CYP7B1: variants seen among roughly 807,000 people sequenced by gnomAD.
CYP7B1 encodes the protein cytochrome P450 family 7 subfamily B member 1.
Under a neutral mutation model 42.7 loss-of-function variants are expected in CYP7B1, and 29 were observed. The observed-to-expected ratio is 0.68, with a 90% CI of 0.51 to 0.93. The LOEUF (loss-of-function observed/expected upper bound fraction) is 0.93, where lower values mean the gene tolerates loss of function less well. Among genes scored for constraint, CYP7B1 ranks in the 40% least tolerant of loss-of-function variants. The pLI is 0.00. For missense variants in CYP7B1, 655 were observed against 600.5 expected (o/e 1.09, Z -0.95); for synonymous variants, 235 against 218.2 (o/e 1.08, Z -0.68).
At chr8:64,785,218 A>G (rs982348323) in intron 1 of CYP7B1, among the ~76,000 whole-genome samples, 4 of 152,234 alleles carry the variant, frequency 2.6e-5, no homozygotes, top group Non-Finnish European at 5.9e-5. Flanking sequence ...AATGTTTTCA[A>G]GCATGTGAGA....
intron 1 of CYP7B1, among the ~76,000 whole-genome samples, chr8:64,745,799 G>A (rs1167365010): frequency 6.6e-6 from 1 of 152,120 alleles, no homozygotes; most frequent in Non-Finnish European, 1.5e-5. Flanking sequence ...ACAAACAATA[G>A]TTTGATTTTG....
chr8:64,750,848 G>A (rs1585893802), intron 1 of CYP7B1, among the ~76,000 whole-genome samples: 1 of 152,128 alleles, frequency 6.6e-6, no homozygotes, highest in East Asian at 1.9e-4. Context: ...CCTATACTAA[G>A]ACTACTTTCC....
At chr8:64,651,230 A>G (rs915878957) in intron 1 of CYP7B1, among the ~76,000 whole-genome samples, 8 of 152,224 alleles carry the variant, frequency 5.3e-5, no homozygotes, top group Admixed American at 2.6e-4. Flanking sequence ...TATGCAGGGT[A>G]GCCAGAATAT....
chr8:64,653,617 G>C (rs1051871976), intron 1 of CYP7B1, among the ~76,000 whole-genome samples: 11 of 152,108 alleles, frequency 7.2e-5, no homozygotes, highest in African/African-American at 2.7e-4. Context: ...TTCAAAAATC[G>C]AGGAGAAGGG....
chr8:64,708,018 A>G (rs1477493554), intron 1 of CYP7B1, among the ~76,000 whole-genome samples: 2 of 152,144 alleles, frequency 1.3e-5, no homozygotes, highest in Non-Finnish European at 2.9e-5. Context: ...ATATCAGGAT[A>G]TGTACAATGC....
chr8:64,731,818 C>T (rs533062848), intron 1 of CYP7B1, among the ~76,000 whole-genome samples: 4 of 152,324 alleles, frequency 2.6e-5, no homozygotes, highest in East Asian at 3.9e-4. Context: ...TCAGCTCCAG[C>T]TGCTAAAAGG....
At chr8:64,710,932 A>T (rs1315011085) in intron 1 of CYP7B1, among the ~76,000 whole-genome samples, 1 of 152,144 alleles carries the variant, frequency 6.6e-6, no homozygotes, top group Non-Finnish European at 1.5e-5. Flanking sequence ...GTAGTAGTTT[A>T]AAATAGGAAA....
chr8:64,649,213 A>T (rs77092483), intron 1 of CYP7B1, among the ~76,000 whole-genome samples: 8,320 of 152,166 alleles, frequency 0.055, 349 homozygotes, highest in South Asian at 0.16. Flanking sequence ...ATTACTCCTG[A>T]ATTTCCTCCC....
intron 1 of CYP7B1, among the ~76,000 whole-genome samples, chr8:64,768,836 A>G (rs1016701563): frequency 1.3e-5 from 2 of 152,190 alleles, no homozygotes; most frequent in Non-Finnish European, 2.9e-5. Flanking sequence ...ACAGCAAACT[A>G]AAACAAAACA....
At chr8:64,653,172 A>G (rs1187228196) in intron 1 of CYP7B1, among the ~76,000 whole-genome samples, 1 of 152,216 alleles carries the variant, frequency 6.6e-6, no homozygotes, top group East Asian at 1.9e-4. Flanking sequence ...AATAAAATTG[A>G]GACACGAAAT....
chr8:64,726,326 G>T (rs886828859), intron 1 of CYP7B1, among the ~76,000 whole-genome samples: 2 of 152,182 alleles, frequency 1.3e-5, no homozygotes, highest in Non-Finnish European at 2.9e-5. Context: ...GATGATGTAC[G>T]TTGGGGGATA....
chr8:64,687,964 T>G (rs561469899), intron 1 of CYP7B1, among the ~76,000 whole-genome samples: 2 of 152,350 alleles, frequency 1.3e-5, no homozygotes, highest in South Asian at 2.1e-4. Context: ...TAACTAAACT[T>G]GGTAGCTCTT....
At chr8:64,620,509 T>G (rs1038376910) in intron 2 of CYP7B1, among the ~76,000 whole-genome samples, 1 of 152,204 alleles carries the variant, frequency 6.6e-6, no homozygotes. Flanking sequence ...AGAATTTACA[T>G]GGTTTCTCAT....
At chr8:64,643,489 G>C (rs778551563) in intron 1 of CYP7B1, among the ~76,000 whole-genome samples, 5 of 152,174 alleles carry the variant, frequency 3.3e-5, no homozygotes, top group African/African-American at 1.2e-4. Flanking sequence ...CTAGAGGAGG[G>C]TCTTGCCTCG....
At chr8:64,686,316 G>T (rs1244350004) in intron 1 of CYP7B1, among the ~76,000 whole-genome samples, 1 of 42,894 alleles carries the variant, frequency 2.3e-5, no homozygotes, top group South Asian at 5.8e-4. Context: ...CGCCCCGTCC[G>T]GGAGGTGAGG....
rs1335019822 is a variant in CYP7B1 at position 64,593,242 on chromosome 8, T to G, written c.*3400A>C. On this transcript the variant is annotated 3_prime_UTR_variant, in exon 6 of 6. Transcript: ENST00000310193. ...AAGGCTAGGGCCCAGGGTGTGTGTGTGTGTGTGTGTGTGTGTGTGTGTGTG... is the reference window on the plus strand; with the variant it reads ...AAGGCTAGGGCCCAGGGTGTGTGTGGGTGTGTGTGTGTGTGTGTGTGTGTG... 6.0e-5 allele frequency among the ~76,000 whole-genome samples: 5 copies of G among 83,734 alleles called. No individual in the cohort carries two copies. The highest frequency in any genetic ancestry group is 1.2e-4 in the Admixed American group (1 of 8,182). The allele number at this position is 83,734 out of a possible 152,430, so 54.9% of individuals were successfully genotyped here.
At chr8:64,758,653 C>G (rs1404408277) in intron 1 of CYP7B1, among the ~76,000 whole-genome samples, 2 of 151,998 alleles carry the variant, frequency 1.3e-5, no homozygotes, top group Non-Finnish European at 2.9e-5. Flanking sequence ...ATGCAAGGAG[C>G]AGGCAAAGAA....
At chr8:64,631,570 G>C (rs1805697465) in intron 1 of CYP7B1, among the ~76,000 whole-genome samples, 1 of 152,018 alleles carries the variant, frequency 6.6e-6, no homozygotes, top group South Asian at 2.1e-4. Context: ...AAACTGGCGA[G>C]ACTAAATCAA....
intron 2 of CYP7B1, among the ~76,000 whole-genome samples, chr8:64,621,734 A>ATTT (rs201366655): frequency 8.3e-5 from 11 of 132,642 alleles, no homozygotes; most frequent in African/African-American, 2.5e-4. Flanking sequence ...AATGCATACA[A>ATTT]TTTTTTTTTT....
Sources: allele counts gnomAD v4.1 joint callset (sites outside exome capture counted in the v4.1 genomes callset), GRCh38; gene constraint gnomAD v4.1.1; transcripts MANE v1.5; gene names NCBI Gene and HGNC (gene_info 2026-07-23, HGNC 2026-07-21).